TENM1: variants seen among roughly 807,000 people sequenced by gnomAD.
TENM1 encodes teneurin-1.
In TENM1, 35 loss-of-function variants were observed where a neutral mutation model predicts 174.8. The observed-to-expected ratio is 0.20, with a 90% CI of 0.15 to 0.27. The LOEUF (loss-of-function observed/expected upper bound fraction) is 0.27, where lower values mean the gene tolerates loss of function less well. TENM1 is among the 10% of genes least tolerant of loss of function. The pLI, the probability that TENM1 is intolerant of heterozygous loss-of-function variation, is 1.00. For synonymous variants in TENM1, 781 were observed against 798.7 expected (o/e 0.98, Z 0.37); for missense variants, 1,633 against 2,130.1 (o/e 0.77, Z 4.59).
the TENM1 span, among the ~76,000 whole-genome samples, chrX:125,194,717 C>T: frequency 3.6e-5 from 4 of 111,678 alleles, no homozygotes; most frequent in Non-Finnish European, 7.5e-5. Context: ...TATCCCTGAC[C>T]TCTGTTCCCC....
intron 3 of TENM1, among the ~76,000 whole-genome samples, chrX:124,752,910 T>G (rs2054118111): frequency 9.0e-6 from 1 of 110,903 alleles, no homozygotes; most frequent in South Asian, 3.9e-4. Flanking sequence ...GTAGTATAGT[T>G]TGAAGTCAGG....
chrX:125,193,684 G>A, the TENM1 span, among the ~76,000 whole-genome samples: 1 of 111,585 alleles, frequency 9.0e-6, no homozygotes, highest in African/African-American at 3.3e-5. Flanking sequence ...AAAGATGACT[G>A]TATATACTCT....
intron 3 of TENM1, among the ~76,000 whole-genome samples, chrX:124,772,394 G>A (rs1042327615): frequency 8.9e-6 from 1 of 111,879 alleles, no homozygotes; most frequent in African/African-American, 3.3e-5. Context: ...CCTTGGCTTC[G>A]AAAGTGCTGG....
chrX:124,431,389 G>A (rs1459392689), intron 23 of TENM1, among the ~76,000 whole-genome samples: 1 of 111,937 alleles, frequency 8.9e-6, no homozygotes, highest in Admixed American at 9.5e-5. Flanking sequence ...GTCCTCTTCA[G>A]TAGGAATTTC....
rs1332802433 is a variant in TENM1, at chrX:124,701,716, A to G, written c.1015+3297T>C. On this transcript the variant is annotated intron_variant, in intron 5 of 31. Coordinates refer to ENST00000422452, the Ensembl canonical transcript of TENM1. ...TATTTTTCCATGCCTCTCTTCACCA[A>G]CTTTTTTGAACTCAAAACTTATTCA... Among the ~76,000 whole-genome samples, 2 of 111,987 alleles carry G rather than the reference A, an allele frequency of 1.8e-5. 1 individual carries two copies. The highest frequency in any genetic ancestry group is 3.8e-5 in the Non-Finnish European group (2 of 53,158).
At chrX:124,591,517 A>C (rs1207727047) in intron 11 of TENM1, among the ~76,000 whole-genome samples, 3 of 111,717 alleles carry the variant, frequency 2.7e-5, no homozygotes, top group Non-Finnish European at 3.8e-5. Flanking sequence ...ATTGGTTGGA[A>C]TTTCTTTTCT....
chrX:124,495,311 C>G (rs1353773211), intron 20 of TENM1, among the ~76,000 whole-genome samples: 1 of 109,506 alleles, frequency 9.1e-6, no homozygotes, highest in Non-Finnish European at 1.9e-5. Flanking sequence ...TAAATGTCTT[C>G]TTTTGAGAGG....
chrX:124,873,647 T>C (rs2057147643), intron 3 of TENM1, among the ~76,000 whole-genome samples: 1 of 111,368 alleles, frequency 9.0e-6, no homozygotes, highest in South Asian at 3.7e-4. Flanking sequence ...GACAAGAAAA[T>C]CCACTACTAT....
chrX:124,613,412 G>A (rs950250292), intron 11 of TENM1, among the ~76,000 whole-genome samples: 56 of 110,529 alleles, frequency 5.1e-4, no homozygotes, highest in Non-Finnish European at 8.7e-4. Flanking sequence ...AAAAAAAAAA[G>A]GAAGAACAGA....
chrX:124,752,330 G>A (rs2054095968), intron 3 of TENM1, among the ~76,000 whole-genome samples: 1 of 111,687 alleles, frequency 9.0e-6, no homozygotes, highest in Admixed American at 9.5e-5. Flanking sequence ...CCCACTTTTT[G>A]ATGGGGCTGT....
At chrX:124,573,211 T>C (rs2843537) in intron 11 of TENM1, among the ~76,000 whole-genome samples, 23,902 of 110,966 alleles carry the variant, frequency 0.22, 1,882 homozygotes, top group South Asian at 0.42. Context: ...GGATAAACTT[T>C]AGAAACATAA....
At chrX:124,935,462 T>A (rs754454983) in intron 1 of TENM1, among the ~76,000 whole-genome samples, 1 of 111,928 alleles carries the variant, frequency 8.9e-6, no homozygotes, top group African/African-American at 3.2e-5. Context: ...CTTATTTGAG[T>A]TAGATGTTCC....
chrX:125,143,799 C>A, the TENM1 span, among the ~76,000 whole-genome samples: 1 of 111,307 alleles, frequency 9.0e-6, no homozygotes, highest in Non-Finnish European at 1.9e-5. Context: ...GGAAAATAGT[C>A]AAATCTAGAT....
At chrX:124,505,333 C>CG (rs371691645) in intron 18 of TENM1, among the ~76,000 whole-genome samples, 8 of 110,356 alleles carry the variant, frequency 7.2e-5, no homozygotes, top group African/African-American at 2.6e-4. Flanking sequence ...GGACTGGGGG[C>CG]GGGGGAGGAA....
At chrX:125,136,325 C>T in the TENM1 span, among the ~76,000 whole-genome samples, 1 of 111,459 alleles carries the variant, frequency 9.0e-6, no homozygotes, top group Admixed American at 9.6e-5. Flanking sequence ...AAAACCAGTC[C>T]TAGTATCTTT....
At chrX:124,456,044 T>TA (rs2061101785) in intron 22 of TENM1, among the ~76,000 whole-genome samples, 1 of 111,889 alleles carries the variant, frequency 8.9e-6, no homozygotes, top group South Asian at 3.8e-4. Flanking sequence ...TTCTTACTTT[T>TA]ACTTTTTGTG....
chrX:124,666,529 A>G lies in TENM1; in HGVS notation c.1168+5154T>C, dbSNP rs144489534. ...ATGACAACAAACAAACAAAAGTCCA[A>G]ACAAACACATACAAAACACCCTTCC... On this transcript the variant is annotated intron_variant, in intron 6 of 31. Transcript: ENST00000422452. Among the ~76,000 whole-genome samples the G allele has an allele frequency of 7.2e-3, 806 of 111,615 alleles. 7 individuals are homozygous for G. Among genetic ancestry groups the G allele is most frequent in the African/African-American group, 0.025 (780 of 30,713 alleles).
chrX:124,641,726 C>A, intron 11 of TENM1, 65 bp downstream of exon 14: 2 of 1,051,055 alleles, frequency 1.9e-6, no homozygotes, highest in Non-Finnish European at 2.7e-6. Flanking sequence ...AGAAACACTG[C>A]CTTAAGGAAG....
At chrX:124,900,818 T>C (rs1163768007) in intron 1 of TENM1, among the ~76,000 whole-genome samples, 3 of 105,552 alleles carry the variant, frequency 2.8e-5, no homozygotes, top group South Asian at 4.4e-4. Context: ...TGAGATTGAG[T>C]TTTGCTCTTG....
Sources: gnomAD v4.1 joint callset for allele counts (sites outside exome capture counted in the v4.1 genomes callset) on GRCh38, gnomAD v4.1.1 for gene constraint, MANE v1.5 for transcripts, NCBI Gene and HGNC (gene_info 2026-07-23, HGNC 2026-07-21) for gene names.